Variants in SLC18A1 observed in about 807,000 individuals in gnomAD.
The protein encoded by SLC18A1 is chromaffin granule amine transporter.
In SLC18A1, 69 loss-of-function variants were observed where a neutral mutation model predicts 53.7. That is an observed-to-expected ratio of 1.28 (90% confidence interval 1.06 to 1.57). The LOEUF is 1.57. Among genes scored for constraint, SLC18A1 ranks in the 40% most tolerant of loss-of-function variants. The pLI is 0.00. For missense variants in SLC18A1, 932 were observed against 668.1 expected, an observed-to-expected ratio of 1.40 and a Z score of -4.35; for synonymous variants, 320 against 248.1, an observed-to-expected ratio of 1.29 and a Z score of -2.72.
Position 20,172,956 on chromosome 8 carries a change from C to G in SLC18A1, c.724+80G>C, listed in dbSNP as rs994850934. 10 of 996,246 alleles carry G rather than the reference C, an allele frequency of 1.0e-5. No homozygotes were observed. The Admixed American group carries it at 2.0e-4, about 20-fold the overall frequency. The allele number at this position is 996,246 out of a possible 1,614,324, so 61.7% of individuals were successfully genotyped here. On this transcript the variant is annotated intron_variant, in intron 6 of 15. Coordinates refer to ENST00000276373, the MANE Select transcript of SLC18A1 (RefSeq NM_003053.4). ...TGAGGCCAACAAGGGAAGGAAAATA[C>G]TCGTCTTCTACACCTCGGGAACACC...
intron 8 of SLC18A1, among the ~76,000 whole-genome samples, chr8:20,166,710 T>TC (rs1046489132): frequency 1.3e-5 from 2 of 151,558 alleles, no homozygotes; most frequent in African/African-American, 2.4e-5. Flanking sequence ...CTGAATGGAG[T>TC]CCCCCCACCT....
At chr8:20,179,092 C>G (rs2072337257) in intron 3 of SLC18A1, 29 bp downstream of exon 3, 1 of 1,589,762 alleles carries the variant, frequency 6.3e-7, no homozygotes, top group Middle Eastern at 1.7e-4. Context: ...TCCTGTGTAC[C>G]CTGCGGGGCA....
At chr8:20,181,822 A>C (rs909914780) in intron 1 of SLC18A1, 2 of 152,154 alleles carry the variant, frequency 1.3e-5, no homozygotes, top group Non-Finnish European at 2.9e-5. Flanking sequence ...GTTAGTGTCA[A>C]ACTGGGATGA....
In SLC18A1 at chr8:20,164,869, C is replaced by G; in HGVS notation, c.1015G>C (p.Gly339Arg). The G allele has an allele frequency of 6.2e-7, 1 of 1,604,896 alleles. No homozygotes were observed. Residue 339 changes from glycine to arginine, a missense_variant and splice_region_variant, in exon 10 of 16, where the codon GGT (glycine) becomes CGT (arginine). Coordinates refer to ENST00000276373, the MANE Select transcript of SLC18A1 (RefSeq NM_003053.4). ...GAGCGGGGGTGCTGAGGTCACTTAC[C>G]CAGCTGCCACTTGGGGGAGCACATG... Reference protein sequence around the residue: ...QTMCSPKWQLGLAFLPASVSY... With the variant: ...QTMCSPKWQLRLAFLPASVSY...
chr8:20,166,330 T>TATAC (rs1475548868), intron 8 of SLC18A1, among the ~76,000 whole-genome samples: 10 of 77,976 alleles, frequency 1.3e-4, no homozygotes, highest in African/African-American at 6.0e-4. Flanking sequence ...TATATATATA[T>TATAC]ACACCACCAG....
At chr8:20,174,592 T>G (rs3779672) in intron 4 of SLC18A1, 148 bp from the exon 5 acceptor site, 1 of 608,804 alleles carries the variant, frequency 1.6e-6, no homozygotes, top group Non-Finnish European at 3.0e-6. Flanking sequence ...GTTTTTTGAG[T>G]TGTCTTTTCA....
chr8:20,177,102 A>G (rs2072271306), intron 4 of SLC18A1, among the ~76,000 whole-genome samples: 1 of 152,234 alleles, frequency 6.6e-6, no homozygotes, highest in Admixed American at 6.5e-5. Flanking sequence ...GGCACCTGGC[A>G]TCTTATTATT....
intron 15 of SLC18A1, among the ~76,000 whole-genome samples, chr8:20,146,634 C>T (rs945350807): frequency 6.6e-6 from 1 of 152,100 alleles, no homozygotes; most frequent in Non-Finnish European, 1.5e-5. Flanking sequence ...GACCTGCTGA[C>T]CAACATGGAT....
At chr8:20,148,362 G>A in intron 12 of SLC18A1, 1 of 908,102 alleles carries the variant, frequency 1.1e-6, no homozygotes, top group East Asian at 4.6e-5. Context: ...GCTCTAACGA[G>A]GGTCTTCCTC....
At chr8:20,171,699 TGTGTGC>T (rs746847223) in intron 6 of SLC18A1, among the ~76,000 whole-genome samples, 105 of 150,312 alleles carry the variant, frequency 7.0e-4, no homozygotes, top group African/African-American at 9.3e-4. Flanking sequence ...TGTGTGTGTG[TGTGTGC>T]GCGCGCGTGT....
chr8:20,165,108 C>G lies in SLC18A1; in HGVS notation c.859-1G>C. 3 of 1,613,902 alleles carry G rather than the reference C, an allele frequency of 1.9e-6. No homozygotes were observed. The highest frequency in any genetic ancestry group is 1.7e-6 in the Non-Finnish European group (2 of 1,179,758). ...TAAAGAGGGGAGTCCCCTTGGCACT[C>G]TGAGAACATGGATAACAAAAAATGT... On this transcript the variant is annotated splice_acceptor_variant, in intron 8 of 15. Transcript: ENST00000276373. LOFTEE classifies it high-confidence loss of function.
intron 8 of SLC18A1, among the ~76,000 whole-genome samples, chr8:20,170,319 A>C (rs989100341): frequency 6.6e-6 from 1 of 152,146 alleles, no homozygotes; most frequent in African/African-American, 2.4e-5. Context: ...AGTGAGGCTA[A>C]AAATTGTACT....
intron 8 of SLC18A1, among the ~76,000 whole-genome samples, chr8:20,167,915 C>T (rs1455656217): frequency 2.6e-5 from 4 of 152,026 alleles, no homozygotes; most frequent in Non-Finnish European, 5.9e-5. Context: ...ACCACCGTGC[C>T]CGGCCCCATA....
chr8:20,170,524 G>A (rs530194445), intron 8 of SLC18A1, among the ~76,000 whole-genome samples: 16 of 152,108 alleles, frequency 1.1e-4, no homozygotes, highest in African/African-American at 2.2e-4. Context: ...TTTTTCCTTC[G>A]TGGTGGGATA....
intron 3 of SLC18A1, 105 bp from the exon 4 acceptor site, chr8:20,178,598 G>A (rs1377622938): frequency 1.3e-5 from 11 of 821,428 alleles, no homozygotes; most frequent in Non-Finnish European, 1.8e-5. Flanking sequence ...CTATTTGGGT[G>A]TATGGTAAAA....
intron 10 of SLC18A1, chr8:20,151,145 TTG>T (rs1491038818): frequency 3.3e-4 from 32 of 96,614 alleles, no homozygotes; most frequent in East Asian, 1.5e-3. Flanking sequence ...TTGTTTTTTT[TTG>T]TTTTTTTTTT....
chr8:20,163,889 GCT>G (rs1381743454), intron 10 of SLC18A1, among the ~76,000 whole-genome samples: 2 of 152,146 alleles, frequency 1.3e-5, no homozygotes, highest in African/African-American at 2.4e-5. Flanking sequence ...GGGAGGAGCT[GCT>G]CTGTGTTGTA....
chr8:20,170,439 A>T (rs1228188459), intron 8 of SLC18A1, among the ~76,000 whole-genome samples: 1 of 152,124 alleles, frequency 6.6e-6, no homozygotes, highest in Non-Finnish European at 1.5e-5. Flanking sequence ...CTTCCGGAAT[A>T]CCTTGACAAG....
At chr8:20,169,746 G>A (rs564046963) in intron 8 of SLC18A1, among the ~76,000 whole-genome samples, 117 of 152,234 alleles carry the variant, frequency 7.7e-4, no homozygotes, top group South Asian at 6.9e-3. Context: ...GGGCATGGTG[G>A]TGCGTGCTTG....
Sources: allele counts gnomAD v4.1 joint callset (sites outside exome capture counted in the v4.1 genomes callset), GRCh38; gene constraint gnomAD v4.1.1; transcripts MANE v1.5; gene names NCBI Gene and HGNC (gene_info 2026-07-23, HGNC 2026-07-21).